The following PTS variants were observed in gnomAD, a reference collection of about 807,000 sequenced individuals.
PTS encodes the protein 6-pyruvoyltetrahydropterin synthase.
A neutral mutation model predicts 20.6 loss-of-function variants in PTS; 23 were observed. That is an observed-to-expected ratio of 1.12 (90% CI 0.80 to 1.58). PTS has a LOEUF of 1.58. PTS is among the 40% of genes most tolerant of loss of function. PTS has a pLI of 0.00. For synonymous variants in PTS, 65 were observed against 62.5 expected (o/e 1.04, Z -0.19); for missense variants, 186 against 182.4 (o/e 1.02, Z -0.11).
At position 112,226,541 on chromosome 11, in the gene PTS, C is replaced by T; in HGVS notation, c.83+15C>T. On this transcript the variant is annotated intron_variant, in intron 1 of 5. Transcript: ENST00000280362. ...CGATTGTACAGGTAGGGTGTGCACA[C>T]AGGTACAGCGGCGGGCGGTGGGCGC... 1 of 1,562,096 alleles carries T rather than the reference C, an allele frequency of 6.4e-7. No individual in the cohort carries two copies.
intron 4 of PTS, 41 bp downstream of exon 4, chr11:112,230,723 C>T (rs1260399075): frequency 1.3e-6 from 2 of 1,545,016 alleles, no homozygotes. Flanking sequence ...TATTCCCTAA[C>T]TGTAATATTT....
In PTS at chr11:112,233,742, A is replaced by G; in HGVS notation, c.*187A>G. 1.6e-6 allele frequency: 1 copy of G among 638,702 alleles called. No individual in the cohort carries two copies. Among genetic ancestry groups the G allele is most frequent in the Non-Finnish European group, 2.3e-6 (1 of 437,814 alleles). 39.6% of individuals were successfully genotyped at this position (638,702 alleles called of 1,614,324 possible). The stretch of plus-strand genomic sequence containing the variant: ...AAGTCTATTTAAAACTAAACTTGTA[A>G]TATACATCCTGAAAATCATTTAGAG... On this transcript the variant is annotated 3_prime_UTR_variant, in exon 6 of 6. Coordinates refer to ENST00000280362, the MANE Select transcript of PTS (RefSeq NM_000317.3).
intron 1 of PTS, among the ~76,000 whole-genome samples, chr11:112,227,868 A>T (rs74877187): frequency 1.2e-5 from 1 of 83,126 alleles, no homozygotes; most frequent in African/African-American, 3.3e-5. Flanking sequence ...CATTGGGGGG[A>T]ATAATAAAGA....
chr11:112,226,718 G>C (rs893077390), intron 1 of PTS, among the ~76,000 whole-genome samples, 192 bp downstream of exon 1: 6 of 151,956 alleles, frequency 3.9e-5, no homozygotes, highest in African/African-American at 1.4e-4. Flanking sequence ...AGTGTCCCCA[G>C]CCCTGGAGGG....
intron 1 of PTS, among the ~76,000 whole-genome samples, chr11:112,227,655 GGAGAGGAGGT>G (rs1411488758): frequency 7.2e-5 from 11 of 152,018 alleles, no homozygotes; most frequent in African/African-American, 2.7e-4. Context: ...GCAAGAGAGA[GGAGAGGAGGT>G]GCCAGGCTTT....
At position 112,233,532 on chromosome 11, in the gene PTS, A is replaced by G. The variant is rs1211670667; in HGVS notation, c.415A>G (p.Ile139Val). ...KVKVYETDNN[I>V]VVYKGE ...AAAAGTATACGAAACTGACAATAAT[A>G]TTGTGGTTTATAAAGGAGAATAGCT... Residue 139 changes from isoleucine to valine, a missense_variant, in exon 6 of 6, where the codon ATT (isoleucine) becomes GTT (valine). Ile to Val is a conservative substitution (Grantham distance 29). Coordinates refer to ENST00000280362, the MANE Select transcript of PTS (RefSeq NM_000317.3). 2.5e-6 allele frequency: 4 copies of G among 1,613,584 alleles called. No individual in the cohort carries two copies. Among genetic ancestry groups the G allele is most frequent in the African/African-American group, 1.3e-5 (1 of 74,908 alleles).
chr11:112,232,337 C>A (rs1284388475), intron 4 of PTS, among the ~76,000 whole-genome samples: 1 of 152,074 alleles, frequency 6.6e-6, no homozygotes, highest in African/African-American at 2.4e-5. Context: ...CAAGGATGCC[C>A]GTTTTCTTGT....
chr11:112,232,048 A>G (rs890041974), intron 4 of PTS, among the ~76,000 whole-genome samples: 32 of 152,338 alleles, frequency 2.1e-4, no homozygotes, highest in African/African-American at 6.7e-4. Context: ...GGGCTTCTCT[A>G]TGCTGTTTTC....
chr11:112,230,028 TAA>T, intron 2 of PTS, 178 bp from the exon 3 acceptor site: 2 of 601,874 alleles, frequency 3.3e-6, no homozygotes, highest in Non-Finnish European at 2.9e-6. Context: ...CTTTGGTTGC[TAA>T]AAAAAAAATC....
chr11:112,226,583 A>C, intron 1 of PTS, 57 bp downstream of exon 1: 5 of 1,431,838 alleles, frequency 3.5e-6, no homozygotes, highest in African/African-American at 1.5e-5. Context: ...CCGGAACGTC[A>C]CCGGGGCGGG....
chr11:112,232,759 A>G (rs966269559), intron 4 of PTS, among the ~76,000 whole-genome samples: 4 of 152,228 alleles, frequency 2.6e-5, no homozygotes, highest in African/African-American at 9.6e-5. Context: ...TGTAGTAGTC[A>G]CTGGATCTTT....
rs1859962974 is a variant in PTS, at chr11:112,233,147, T to C, written c.244-16T>C. On this transcript the variant is annotated splice_polypyrimidine_tract_variant and intron_variant, in intron 4 of 5. Transcript: ENST00000280362. ...TAAATGGAGTCAATGATATTTTCCC[T>C]TGGTTTTGTCTCTAGGAGGCGATTA... The C allele has an allele frequency of 6.2e-7, 1 of 1,608,796 alleles. No homozygotes were observed. The highest frequency in any genetic ancestry group is 8.5e-7 in the Non-Finnish European group (1 of 1,175,134).
chr11:112,233,331 A>C (rs1859968058), intron 5 of PTS, 98 bp downstream of exon 5: 1 of 1,534,398 alleles, frequency 6.5e-7, no homozygotes, highest in Non-Finnish European at 9.0e-7. Context: ...AATTTAATGA[A>C]ATCTTTCGAA....
chr11:112,230,468 A>G lies in PTS; in HGVS notation c.187-158A>G, dbSNP rs1192709925. 5.0e-6 allele frequency: 4 copies of G among 805,842 alleles called. No individual in the cohort carries two copies. The East Asian group carries it at 7.7e-5, about 15-fold the overall frequency. The allele number at this position is 805,842 out of a possible 1,614,324, so 49.9% of individuals were successfully genotyped here. A position where few individuals can be genotyped will look rare whatever the true frequency, so the allele number is the denominator to read the frequency against. On this transcript the variant is annotated intron_variant, in intron 3 of 5. Transcript: ENST00000280362. Reference sequence around the variant, plus strand: ...ACAATGAAAAGGATGCTTGAAGTACATGGTGCTTCCATGCTGAGGTCAATG... The same window carrying G: ...ACAATGAAAAGGATGCTTGAAGTACGTGGTGCTTCCATGCTGAGGTCAATG...
intron 3 of PTS, 172 bp from the exon 4 acceptor site, chr11:112,230,454 G>T (rs1422548233): frequency 2.5e-6 from 2 of 792,158 alleles, no homozygotes. Context: ...CAATGAAAAG[G>T]ATGCTTGAAG....
In PTS at chr11:112,233,523, G is replaced by T; in HGVS notation, c.406G>T (p.Asp136Tyr). The change falls in exon 6 of 6, where the codon GAC (aspartate) becomes TAC (tyrosine). Residue 136 changes from aspartate to tyrosine, a missense_variant. Coordinates refer to ENST00000280362, the MANE Select transcript of PTS (RefSeq NM_000317.3). ...TTATAAAGTAAAAGTATACGAAACTGACAATAATATTGTGGTTTATAAAGG... is the reference window on the plus strand; with the variant it reads ...TTATAAAGTAAAAGTATACGAAACTTACAATAATATTGTGGTTTATAAAGG... The part of the protein sequence containing the change: ...VLYKVKVYET[D>Y]NNIVVYKGE 1 of 1,613,502 alleles carries T rather than the reference G, an allele frequency of 6.2e-7. No individual in the cohort carries two copies. The highest frequency in any genetic ancestry group is 1.1e-5 in the South Asian group (1 of 90,998).
At chr11:112,233,298 T>C (rs1272514343) in intron 5 of PTS, 65 bp downstream of exon 5, 2 of 1,563,180 alleles carry the variant, frequency 1.3e-6, no homozygotes, top group East Asian at 4.5e-5. Flanking sequence ...ATACTTTGAT[T>C]GTTGTGTGAT....
chr11:112,226,585 C>G, intron 1 of PTS, 59 bp downstream of exon 1: 1 of 1,432,144 alleles, frequency 7.0e-7, no homozygotes. Context: ...GGAACGTCAC[C>G]GGGGCGGGGC....
At chr11:112,229,980 A>G (rs1859909225) in intron 2 of PTS, 4 of 587,506 alleles carry the variant, frequency 6.8e-6, no homozygotes, top group Admixed American at 3.0e-5. Flanking sequence ...TGCTTAGCCA[A>G]CATTCCTACT....
Sources: allele counts gnomAD v4.1 joint callset (sites outside exome capture counted in the v4.1 genomes callset), GRCh38; gene constraint gnomAD v4.1.1; transcripts MANE v1.5; gene names NCBI Gene and HGNC (gene_info 2026-07-23, HGNC 2026-07-21).